Variants in GUCY2F observed in about 807,000 individuals in gnomAD.
GUCY2F encodes the protein retinal guanylyl cyclase 2.
In GUCY2F, 61 loss-of-function variants were observed where a neutral mutation model predicts 73.1. The observed-to-expected ratio is 0.83, with a 90% CI of 0.68 to 1.03. The LOEUF (loss-of-function observed/expected upper bound fraction) is 1.03. Among genes scored for constraint, GUCY2F ranks in the 50% least tolerant of loss-of-function variants. GUCY2F has a pLI of 0.00. For missense variants in GUCY2F, 912 were observed against 854.3 expected (o/e 1.07, Z -0.84); for synonymous variants, 331 against 307.8 (o/e 1.08, Z -0.79).
At chrX:109,420,148 C>T (rs1478120095) in intron 8 of GUCY2F, among the ~76,000 whole-genome samples, 1 of 99,099 alleles carries the variant, frequency 1.0e-5, no homozygotes, top group Non-Finnish European at 2.0e-5. Flanking sequence ...AGTCTCTACA[C>T]AAAAAGTAAT....
Position 109,475,259 on chromosome X carries a change from G to C in GUCY2F, c.678C>G (p.Ser226Arg), listed in dbSNP as rs771072401. The C allele has an allele frequency of 9.1e-6, 11 of 1,207,939 alleles. No individual in the cohort carries two copies. The highest frequency in any genetic ancestry group is 1.2e-5 in the Non-Finnish European group (11 of 893,689). Residue 226 changes from serine (S) to arginine (R), a missense_variant, in exon 2 of 20, where the codon AGC becomes AGG. Transcript: ENST00000218006. Reference protein sequence around the residue: ...VGVVLTTGQDSQSMRKALQRI... With the variant: ...VGVVLTTGQDRQSMRKALQRI... ...TCTGGAGGGCTTTCCGCATGCTTTG[G>C]CTGTCTTGTCCTGTGGTCAGGACGA...
chrX:109,452,036 C>A lies in GUCY2F; in HGVS notation c.1459G>T (p.Ala487Ser), dbSNP rs1169451362. 2 of 1,046,615 alleles carry A rather than the reference C, an allele frequency of 1.9e-6. No homozygotes were observed. Among genetic ancestry groups the A allele is most frequent in the African/African-American group, 3.7e-5 (2 of 53,813 alleles). The allele number at this position is 1,046,615 out of a possible 1,213,427, so 86.3% of individuals were successfully genotyped here. The change falls in exon 5 of 20, where the codon GCT becomes TCT. Residue 487 changes from alanine (A) to serine (S), a missense_variant. Transcript: ENST00000218006. ...LIALLSINGF[A>S]YFIRRRINKI... ...CAAAAAATGTACCTTATAAAGTAAG[C>A]AAATCCATTAATAGACAGCAGGGCT...
intron 19 of GUCY2F, among the ~76,000 whole-genome samples, chrX:109,374,510 C>T (rs1288669988): frequency 8.9e-6 from 1 of 112,061 alleles, no homozygotes; most frequent in East Asian, 2.8e-4. Flanking sequence ...GTATTTTCTG[C>T]TGCAAACTCC....
chrX:109,379,492 A>T (rs1930253402), intron 17 of GUCY2F, among the ~76,000 whole-genome samples: 1 of 112,605 alleles, frequency 8.9e-6, no homozygotes, highest in Non-Finnish European at 1.9e-5. Flanking sequence ...CCCATAAAGT[A>T]CACAATTATT....
chrX:109,452,925 C>A (rs1932165855), intron 4 of GUCY2F, among the ~76,000 whole-genome samples: 1 of 111,549 alleles, frequency 9.0e-6, no homozygotes, highest in Non-Finnish European at 1.9e-5. Flanking sequence ...GGCAGTTGGG[C>A]AGCATAAAAA....
At chrX:109,444,175 CT>C (rs1931943159) in intron 6 of GUCY2F, among the ~76,000 whole-genome samples, 1 of 111,887 alleles carries the variant, frequency 8.9e-6, no homozygotes. Context: ...ACAGTTTTGG[CT>C]TTCAGCAATA....
chrX:109,407,054 G>A (rs1012572414), intron 9 of GUCY2F, among the ~76,000 whole-genome samples: 1 of 112,355 alleles, frequency 8.9e-6, no homozygotes, highest in East Asian at 2.8e-4. Flanking sequence ...CCAGAGGTTG[G>A]AACAGTTTGG....
At chrX:109,434,054 T>A (rs1231445896) in intron 7 of GUCY2F, among the ~76,000 whole-genome samples, 2 of 110,215 alleles carry the variant, frequency 1.8e-5, no homozygotes, top group Non-Finnish European at 3.8e-5. Flanking sequence ...GGATATAGAA[T>A]GTGAGAAGAC....
At chrX:109,457,918 G>C in intron 3 of GUCY2F, among the ~76,000 whole-genome samples, 1 of 111,728 alleles carries the variant, frequency 9.0e-6, no homozygotes, top group East Asian at 2.8e-4. Flanking sequence ...AACAAGCATT[G>C]GGAATACAAT....
intron 2 of GUCY2F, among the ~76,000 whole-genome samples, chrX:109,473,001 C>T (rs1008436241): frequency 4.5e-5 from 5 of 111,573 alleles, no homozygotes; most frequent in African/African-American, 1.6e-4. Context: ...GCACAGTGAG[C>T]TGCCTGAGGT....
intron 6 of GUCY2F, among the ~76,000 whole-genome samples, chrX:109,442,466 A>G (rs908395777): frequency 1.8e-5 from 2 of 111,390 alleles, no homozygotes; most frequent in African/African-American, 6.5e-5. Context: ...TTGGTATTAT[A>G]TTTTCTAGTC....
chrX:109,403,650 A>G lies in GUCY2F; in HGVS notation c.2125+678T>C, dbSNP rs1040112943. On this transcript the variant is annotated intron_variant, in intron 10 of 19. Transcript: ENST00000218006. ...TGAGTTTTCTTTAAAAACCATATAT[A>G]ACATTTCTCTTTCCAATAAAACCCC... Among the ~76,000 whole-genome samples, 4 of 112,101 alleles carry G rather than the reference A, an allele frequency of 3.6e-5. No homozygotes were observed. The East Asian group carries it at 1.1e-3, about 31-fold the overall frequency.
chrX:109,424,382 TAAA>T (rs1346525838), intron 8 of GUCY2F, among the ~76,000 whole-genome samples: 1 of 111,678 alleles, frequency 9.0e-6, no homozygotes, highest in Non-Finnish European at 1.9e-5. Flanking sequence ...TTAAAATACT[TAAA>T]AGACAATTGC....
chrX:109,474,105 T>C (rs1445790078), intron 2 of GUCY2F, among the ~76,000 whole-genome samples: 1 of 111,981 alleles, frequency 8.9e-6, no homozygotes, highest in African/African-American at 3.2e-5. Flanking sequence ...TAAGGTCCAA[T>C]ACTGAAGCCA....
At chrX:109,473,356 T>C (rs757605760) in intron 2 of GUCY2F, among the ~76,000 whole-genome samples, 38 of 111,946 alleles carry the variant, frequency 3.4e-4, no homozygotes, top group Non-Finnish European at 6.6e-4. Flanking sequence ...AGCGAAGTCA[T>C]ATTAAAACAA....
chrX:109,419,802 T>C (rs771414665), intron 8 of GUCY2F, among the ~76,000 whole-genome samples: 1 of 110,132 alleles, frequency 9.1e-6, no homozygotes, highest in South Asian at 3.9e-4. Context: ...GAAAACCTTG[T>C]GGAAGTAATA....
Position 109,465,356 on chromosome X carries a change from T to C in GUCY2F, c.818A>G (p.Asp273Gly), listed in dbSNP as rs1932447824. 2 of 1,196,139 alleles carry C rather than the reference T, an allele frequency of 1.7e-6. No individual in the cohort carries two copies. The highest frequency in any genetic ancestry group is 3.5e-5 in the South Asian group (2 of 56,458). The change falls in exon 3 of 20, where the codon GAT becomes GGT. Residue 273 changes from aspartate (D) to glycine (G), a missense_variant. Coordinates refer to ENST00000218006, the MANE Select transcript of GUCY2F (RefSeq NM_001522.3). ...LECAHDLKMTDGTYVFVPYDA... is the reference protein window; with the variant it reads ...LECAHDLKMTGGTYVFVPYDA... ...ATAAGGAACAAAGACGTAGGTTCCA[T>C]CAGTCATTTTCAGATCATGAGCACA...
chrX:109,395,636 T>C (rs1930689051), intron 11 of GUCY2F, 147 bp from the exon 12 acceptor site: 3 of 466,486 alleles, frequency 6.4e-6, no homozygotes, highest in Non-Finnish European at 1.1e-5. Context: ...TTAGGTGGCC[T>C]GAATATAGAC....
At chrX:109,379,626 G>T (rs769247486) in intron 17 of GUCY2F, among the ~76,000 whole-genome samples, 2 of 112,258 alleles carry the variant, frequency 1.8e-5, no homozygotes, top group Admixed American at 9.4e-5. Flanking sequence ...CTACCTAAAA[G>T]TTTCTGGTAA....
Sources: gnomAD v4.1 joint callset for allele counts (sites outside exome capture counted in the v4.1 genomes callset) on GRCh38, gnomAD v4.1.1 for gene constraint, MANE v1.5 for transcripts, NCBI Gene and HGNC (gene_info 2026-07-23, HGNC 2026-07-21) for gene names.